The following ASIC2 variants were observed in gnomAD, a reference collection of about 807,000 sequenced individuals.
ASIC2 encodes acid sensing ion channel subunit 2.
ASIC2 carries 25 observed loss-of-function variants against 57.3 expected under a neutral mutation model. The observed-to-expected ratio is 0.44, with a 90% CI of 0.32 to 0.61. The LOEUF (loss-of-function observed/expected upper bound fraction) is 0.61. ASIC2 is among the 20% of genes least tolerant of loss of function. The pLI is 0.06. For synonymous variants in ASIC2, 319 were observed against 307.5 expected (o/e 1.04, Z -0.39); for missense variants, 641 against 738.1 (o/e 0.87, Z 1.52).
chr17:33,286,476 A>G (rs871289), intron 1 of ASIC2, among the ~76,000 whole-genome samples: 76,405 of 151,956 alleles, frequency 0.5, 19,416 homozygotes, highest in East Asian at 0.76. Context: ...CACCCACTAC[A>G]TAATTGCATC....
intron 1 of ASIC2, among the ~76,000 whole-genome samples, chr17:33,589,464 T>C (rs1311546013): frequency 6.6e-6 from 1 of 152,138 alleles, no homozygotes; most frequent in Non-Finnish European, 1.5e-5. Context: ...CATCCATCCC[T>C]AGAAACCACT....
chr17:34,077,485 T>C (rs1414927890), intron 1 of ASIC2, among the ~76,000 whole-genome samples: 1 of 152,212 alleles, frequency 6.6e-6, no homozygotes, highest in Non-Finnish European at 1.5e-5. Context: ...TTGGGGCTGA[T>C]TGAAAGTCTT....
rs1048250983 is a variant in ASIC2 at position 33,292,463 on chromosome 17, C to G, written c.-348G>C. On this transcript the variant is annotated 5_prime_UTR_variant, in exon 1 of 10. Coordinates refer to ENST00000225823, the MANE Select transcript of ASIC2 (RefSeq NM_183377.2). ...CCACTGGGAGCCGCCTCTCCAGTCC[C>G]TGGGTGCTGCGCCCGCCTTCCCTCG... 3.4e-4 allele frequency: 334 copies of G among 985,648 alleles called. 1 individual carries two copies. The highest frequency in any genetic ancestry group is 1.1e-3 in the Admixed American group (18 of 16,296). The allele number at this position is 985,648 out of a possible 1,614,324, so 61.1% of individuals were successfully genotyped here.
intron 3 of ASIC2, among the ~76,000 whole-genome samples, chr17:33,075,550 C>T (rs1286916884): frequency 6.6e-6 from 1 of 152,164 alleles, no homozygotes; most frequent in African/African-American, 2.4e-5. Context: ...GTCACAGAAG[C>T]AGCTGCCTCA....
At chr17:34,046,323 T>C (rs1908333667) in intron 1 of ASIC2, among the ~76,000 whole-genome samples, 1 of 152,204 alleles carries the variant, frequency 6.6e-6, no homozygotes, top group African/African-American at 2.4e-5. Context: ...CAGAGGTAAA[T>C]GTTATAAGTG....
intron 1 of ASIC2, among the ~76,000 whole-genome samples, chr17:33,905,592 A>G (rs78600510): frequency 2.6e-5 from 4 of 152,280 alleles, no homozygotes; most frequent in Admixed American, 6.5e-5. Context: ...TGCTAGGGAG[A>G]GTAAAATGCT....
intron 1 of ASIC2, among the ~76,000 whole-genome samples, chr17:34,034,432 T>C (rs1907769503): frequency 6.6e-6 from 1 of 152,180 alleles, no homozygotes; most frequent in Non-Finnish European, 1.5e-5. Flanking sequence ...ACTCGAAGCA[T>C]TCCCTTTGAA....
chr17:34,053,067 A>G (rs1908629660), intron 1 of ASIC2, among the ~76,000 whole-genome samples: 1 of 151,998 alleles, frequency 6.6e-6, no homozygotes, highest in Admixed American at 6.6e-5. Flanking sequence ...TGCTGTTCCA[A>G]GCTGCTCACC....
intron 1 of ASIC2, among the ~76,000 whole-genome samples, chr17:33,577,759 C>T (rs1916677145): frequency 6.6e-6 from 1 of 152,116 alleles, no homozygotes; most frequent in South Asian, 2.1e-4. Context: ...CATTCCCCTC[C>T]TCTGTGTTCA....
chr17:33,324,854 G>A (rs1907007667), intron 1 of ASIC2, among the ~76,000 whole-genome samples: 1 of 152,154 alleles, frequency 6.6e-6, no homozygotes, highest in African/African-American at 2.4e-5. Flanking sequence ...CCTGCCTGCT[G>A]CCCTTCTCAC....
chr17:33,760,430 A>G (rs1299151935), intron 1 of ASIC2, among the ~76,000 whole-genome samples: 2 of 152,068 alleles, frequency 1.3e-5, no homozygotes, highest in Non-Finnish European at 2.9e-5. Context: ...ACCTATACAA[A>G]TCATAGCCAG....
chr17:33,261,221 T>C (rs866833973), intron 1 of ASIC2, among the ~76,000 whole-genome samples: 3 of 152,326 alleles, frequency 2.0e-5, no homozygotes, highest in Non-Finnish European at 2.9e-5. Context: ...CTAGCTTAGT[T>C]ATCAGAATTT....
chr17:34,120,722 C>CTTTTTT (rs142959293), intron 1 of ASIC2, among the ~76,000 whole-genome samples: 9 of 94,626 alleles, frequency 9.5e-5, no homozygotes, highest in Admixed American at 1.4e-4. Context: ...TGGGGTCCTT[C>CTTTTTT]TTTTTTTTTT....
intron 1 of ASIC2, among the ~76,000 whole-genome samples, chr17:33,355,890 G>A (rs2142254380): frequency 6.6e-6 from 1 of 152,300 alleles, no homozygotes; most frequent in South Asian, 2.1e-4. Context: ...AATTGAGACA[G>A]TATAATCAGT....
intron 1 of ASIC2, among the ~76,000 whole-genome samples, chr17:34,048,835 C>G (rs1312875867): frequency 2.0e-5 from 3 of 152,148 alleles, no homozygotes; most frequent in Non-Finnish European, 4.4e-5. Flanking sequence ...ATAGTGAACA[C>G]CATTCTATTT....
At chr17:33,470,477 ATC>A (rs869138048) in intron 1 of ASIC2, among the ~76,000 whole-genome samples, 1 of 145,978 alleles carries the variant, frequency 6.9e-6, no homozygotes, top group Non-Finnish European at 1.5e-5. Flanking sequence ...TCTCCTGGAG[ATC>A]TTGTTAAAAT....
chr17:34,104,013 T>A (rs1910956858), intron 1 of ASIC2, among the ~76,000 whole-genome samples: 1 of 152,168 alleles, frequency 6.6e-6, no homozygotes, highest in African/African-American at 2.4e-5. Context: ...AGTTTTGATT[T>A]GAATCATGTC....
At chr17:33,210,143 G>A (rs990857238) in intron 1 of ASIC2, among the ~76,000 whole-genome samples, 8 of 152,142 alleles carry the variant, frequency 5.3e-5, no homozygotes, top group Non-Finnish European at 1.2e-4. Context: ...CGTCGCCCAT[G>A]TTTCTCCACC....
chr17:33,660,976 T>C (rs948630659), intron 1 of ASIC2, among the ~76,000 whole-genome samples: 1 of 152,188 alleles, frequency 6.6e-6, no homozygotes, highest in African/African-American at 2.4e-5. Context: ...TCAGCCTCCA[T>C]CTTAAGGTTT....
Sources: allele counts gnomAD v4.1 joint callset (sites outside exome capture counted in the v4.1 genomes callset), GRCh38; gene constraint gnomAD v4.1.1; transcripts MANE v1.5; gene names NCBI Gene and HGNC (gene_info 2026-07-23, HGNC 2026-07-21).